Variants in PDE4B observed in about 807,000 individuals in gnomAD.
PDE4B encodes the protein 3',5'-cyclic-AMP phosphodiesterase 4B.
In PDE4B, 20 loss-of-function variants were observed where a neutral mutation model predicts 82.2. The observed-to-expected ratio is 0.24, with a 90% CI of 0.17 to 0.35. The LOEUF (loss-of-function observed/expected upper bound fraction) is 0.35. Ranked by LOEUF, PDE4B falls within the 10% of genes least tolerant of loss-of-function variation. PDE4B has a pLI of 1.00. For missense variants in PDE4B, 655 were observed against 907.2 expected (o/e 0.72, Z 3.57); for synonymous variants, 320 against 318.9 (o/e 1.00, Z -0.04).
intron 3 of PDE4B, among the ~76,000 whole-genome samples, chr1:66,201,966 T>C (rs1195390041): frequency 2.6e-5 from 4 of 152,342 alleles, no homozygotes; most frequent in Non-Finnish European, 5.9e-5. Flanking sequence ...TCTTTCCTGC[T>C]TTCTCTTGTG....
chr1:66,232,647 T>C (rs1652054880), intron 3 of PDE4B, among the ~76,000 whole-genome samples: 1 of 152,114 alleles, frequency 6.6e-6, no homozygotes, highest in Non-Finnish European at 1.5e-5. Flanking sequence ...AAGCCAAGAA[T>C]ATAGGAGAAA....
intron 1 of PDE4B, among the ~76,000 whole-genome samples, chr1:65,858,537 C>T (rs1646418823): frequency 6.6e-6 from 1 of 152,110 alleles, no homozygotes; most frequent in Non-Finnish European, 1.5e-5. Context: ...ATTTCATCAT[C>T]TTGGATAAAA....
intron 1 of PDE4B, among the ~76,000 whole-genome samples, chr1:65,894,787 A>G (rs1646891103): frequency 6.6e-6 from 1 of 152,172 alleles, no homozygotes; most frequent in African/African-American, 2.4e-5. Context: ...GTTAGTTCTT[A>G]GGGAAATGTA....
intron 1 of PDE4B, among the ~76,000 whole-genome samples, chr1:65,819,461 C>A (rs532037288): frequency 6.6e-6 from 1 of 151,454 alleles, no homozygotes; most frequent in Non-Finnish European, 1.5e-5. Flanking sequence ...CAGATATTTA[C>A]GAATATCCAT....
intron 3 of PDE4B, among the ~76,000 whole-genome samples, chr1:66,063,667 C>A (rs1287338181): frequency 2.6e-5 from 4 of 151,902 alleles, no homozygotes; most frequent in Non-Finnish European, 5.9e-5. Flanking sequence ...ACTGTTGTAT[C>A]TTCTCTCAAG....
chr1:65,969,110 C>A (rs377038627), intron 3 of PDE4B, among the ~76,000 whole-genome samples: 43 of 152,216 alleles, frequency 2.8e-4, no homozygotes, highest in African/African-American at 9.9e-4. Flanking sequence ...GATGCTATAA[C>A]AAACAACTCC....
intron 3 of PDE4B, among the ~76,000 whole-genome samples, chr1:66,161,052 G>A (rs1312602274): frequency 3.3e-5 from 2 of 59,922 alleles, no homozygotes; most frequent in Admixed American, 1.6e-4. Context: ...AAGATGAAAG[G>A]CATTTTTTTT....
intron 3 of PDE4B, among the ~76,000 whole-genome samples, chr1:66,079,154 T>G (rs1394512894): frequency 6.9e-6 from 1 of 144,786 alleles, no homozygotes; most frequent in Non-Finnish European, 1.5e-5. Context: ...TTTCTGTCTC[T>G]CCCTGCTTCT....
At chr1:65,897,578 G>T (rs72685047) in intron 1 of PDE4B, among the ~76,000 whole-genome samples, 7 of 152,128 alleles carry the variant, frequency 4.6e-5, no homozygotes, top group African/African-American at 1.7e-4. Flanking sequence ...AAGTGAGAGC[G>T]TGTGTATTTG....
intron 1 of PDE4B, among the ~76,000 whole-genome samples, chr1:65,839,724 A>G (rs981719725): frequency 6.6e-6 from 1 of 152,194 alleles, no homozygotes; most frequent in Non-Finnish European, 1.5e-5. Flanking sequence ...CAGTGCTACA[A>G]TAAATATATG....
At chr1:66,161,603 A>G (rs572264104) in intron 3 of PDE4B, among the ~76,000 whole-genome samples, 1 of 152,230 alleles carries the variant, frequency 6.6e-6, no homozygotes, top group South Asian at 2.1e-4. Context: ...TACCAAACCT[A>G]TAAGGTTATT....
chr1:66,084,552 G>A (rs939969195), intron 3 of PDE4B, among the ~76,000 whole-genome samples: 29 of 152,088 alleles, frequency 1.9e-4, no homozygotes, highest in African/African-American at 6.5e-4. Flanking sequence ...AATTCCTCAG[G>A]TGGGGACCAG....
At chr1:66,029,712 T>A (rs1190727991) in intron 3 of PDE4B, among the ~76,000 whole-genome samples, 1 of 152,198 alleles carries the variant, frequency 6.6e-6, no homozygotes, top group Non-Finnish European at 1.5e-5. Flanking sequence ...AGTTTCTTCT[T>A]AATTGTAATC....
intron 3 of PDE4B, among the ~76,000 whole-genome samples, chr1:66,101,462 T>TTCC (rs1275959723): frequency 6.6e-6 from 1 of 152,232 alleles, no homozygotes; most frequent in Non-Finnish European, 1.5e-5. Context: ...TGTAAAAGCA[T>TTCC]TCCTATCTCT....
chr1:66,026,221 T>C (rs1261337124), intron 3 of PDE4B, among the ~76,000 whole-genome samples: 6 of 152,200 alleles, frequency 3.9e-5, no homozygotes, highest in Admixed American at 6.5e-5. Context: ...GTAGAAGGCA[T>C]GGTCAGGACT....
chr1:66,163,340 A>ATT, intron 3 of PDE4B, among the ~76,000 whole-genome samples: 1 of 152,326 alleles, frequency 6.6e-6, no homozygotes, highest in Non-Finnish European at 1.5e-5. Context: ...TTAAATGAAG[A>ATT]TAAGGGTACT....
At chr1:66,331,953 T>A (rs910377965) in intron 7 of PDE4B, 2 of 1,001,876 alleles carry the variant, frequency 2.0e-6, no homozygotes, top group Admixed American at 1.1e-4. Flanking sequence ...TATTCCAACA[T>A]GAACACAATC....
chr1:65,795,124 T>C (rs1645616376), intron 1 of PDE4B, among the ~76,000 whole-genome samples: 1 of 152,214 alleles, frequency 6.6e-6, no homozygotes, highest in South Asian at 2.1e-4. Context: ...ATAGTTACTG[T>C]GTATGTACAA....
intron 2 of PDE4B, among the ~76,000 whole-genome samples, chr1:65,914,847 C>T (rs887852286): frequency 1.3e-5 from 2 of 152,200 alleles, no homozygotes; most frequent in African/African-American, 4.8e-5. Flanking sequence ...TTAACCCCAC[C>T]ATATTGAATA....
Sources: gnomAD v4.1 joint callset for allele counts (sites outside exome capture counted in the v4.1 genomes callset) on GRCh38, gnomAD v4.1.1 for gene constraint, MANE v1.5 for transcripts, NCBI Gene and HGNC (gene_info 2026-07-23, HGNC 2026-07-21) for gene names.